VWA5B1: variants seen among roughly 807,000 people sequenced by gnomAD.
The protein encoded by VWA5B1 is von Willebrand factor A domain-containing protein 5B1.
VWA5B1 carries 115 observed loss-of-function variants against 118.2 expected under a neutral mutation model. That is an observed-to-expected ratio of 0.97 (90% CI 0.84 to 1.14). The LOEUF (loss-of-function observed/expected upper bound fraction) is 1.14. VWA5B1 is among the 50% of genes most tolerant of loss of function. The pLI, the probability that VWA5B1 is intolerant of heterozygous loss-of-function variation, is 0.00. For missense variants in VWA5B1, 1,596 were observed against 1,603.8 expected (o/e 1.00, Z 0.08); for synonymous variants, 682 against 658.4 (o/e 1.04, Z -0.55).
At chr1:20,297,716 G>A (rs1172820935) in intron 1 of VWA5B1, among the ~76,000 whole-genome samples, 1 of 152,176 alleles carries the variant, frequency 6.6e-6, no homozygotes, top group Admixed American at 6.5e-5. Flanking sequence ...ATGCCTGGTG[G>A]CCAGCAGGAT....
chr1:20,293,762 G>A (rs1247994224), intron 1 of VWA5B1, among the ~76,000 whole-genome samples: 4 of 152,172 alleles, frequency 2.6e-5, no homozygotes, highest in African/African-American at 9.7e-5. Flanking sequence ...GAAACCCTCT[G>A]GGTTCCTGGA....
chr1:20,326,774 C>T (rs546971696), intron 8 of VWA5B1, among the ~76,000 whole-genome samples: 198 of 152,154 alleles, frequency 1.3e-3, no homozygotes, highest in African/African-American at 4.7e-3. Context: ...AAGCCTCTGT[C>T]ATTAGTCTTA....
intron 14 of VWA5B1, among the ~76,000 whole-genome samples, chr1:20,340,232 T>A (rs1304358050): frequency 6.6e-6 from 1 of 151,706 alleles, no homozygotes; most frequent in African/African-American, 2.4e-5. Context: ...CCATGCACCC[T>A]CTGGCTGGAT....
At chr1:20,297,674 A>G (rs1557825427) in intron 1 of VWA5B1, among the ~76,000 whole-genome samples, 1 of 152,240 alleles carries the variant, frequency 6.6e-6, no homozygotes, top group Non-Finnish European at 1.5e-5. Flanking sequence ...TTTCTCTGAC[A>G]ACTAGCACTC....
At position 20,348,302 on chromosome 1, in the gene VWA5B1, C is replaced by T. The variant is rs1029825669; in HGVS notation, c.2822C>T (p.Ser941Phe). The T allele has an allele frequency of 2.4e-5, 38 of 1,551,568 alleles. No homozygotes were observed. The highest frequency in any genetic ancestry group is 3.1e-5 in the Non-Finnish European group (36 of 1,147,020). The change falls in exon 18 of 22, where the codon TCT (serine) becomes TTT (phenylalanine). Residue 941 changes from serine (S) to phenylalanine (F), a missense_variant. By Grantham distance (155) the Ser-to-Phe change is radical (BLOSUM62 -2). Transcript: ENST00000289815. The part of the protein sequence containing the change: ...RALAQQWRGT[S>F]SGFGRPQTML... ...CTGGCCCAACAGTGGAGGGGCACCT[C>T]TTCTGGCTTTGGAAGGCCGCAGACG...
At chr1:20,291,168 GTGTGTGTGTA>G (rs1424754696) in intron 1 of VWA5B1, 80 bp downstream of exon 1, 31 of 136,954 alleles carry the variant, frequency 2.3e-4, no homozygotes, top group South Asian at 1.4e-3. Flanking sequence ...ATGCATGAGT[GTGTGTGTGTA>G]TGTGTGTGTG....
At position 20,317,822 on chromosome 1, in the gene VWA5B1, C is replaced by A. The variant is rs1407185674; in HGVS notation, c.709+147C>A. ...ACAAAGCCTGTGGACCCCCATTTCCCATGGCCCCAACAAGCAGCCCAAAGA... is the reference window on the plus strand; with the variant it reads ...ACAAAGCCTGTGGACCCCCATTTCCAATGGCCCCAACAAGCAGCCCAAAGA... On this transcript the variant is annotated intron_variant, in intron 5 of 21. Transcript: ENST00000289815. 4.5e-6 allele frequency: 5 copies of A among 1,121,254 alleles called. No homozygotes were observed. The South Asian group carries it at 7.3e-5, about 16-fold the overall frequency. 69.5% of individuals were successfully genotyped at this position (1,121,254 alleles called of 1,614,324 possible).
In VWA5B1 at chr1:20,336,416, G is replaced by A. The variant is rs955043994; in HGVS notation, c.1872G>A (p.Ser624=). The change falls in exon 13 of 22, where the codon TCG becomes TCA. Residue 624 remains serine (S), a synonymous_variant. Coordinates refer to ENST00000289815, the MANE Select transcript of VWA5B1 (RefSeq NM_001039500.3). Reference sequence around the variant, plus strand: ...AAGGTGGAGACTGTGCCAAGAACTCGGGGGCACCCTTCATCCTAGGGCAGG... The same window carrying A: ...AAGGTGGAGACTGTGCCAAGAACTCAGGGGCACCCTTCATCCTAGGGCAGG... The part of the protein sequence containing the change: ...GLEGGDCAKN[S]GAPFILGQAK... 1.7e-5 allele frequency: 26 copies of A among 1,521,444 alleles called. No homozygotes were observed. Among genetic ancestry groups the A allele is most frequent in the African/African-American group, 8.3e-5 (6 of 72,340 alleles). 94.2% of individuals were successfully genotyped at this position (1,521,444 alleles called of 1,614,324 possible).
At chr1:20,325,879 G>A (rs1193610465) in intron 8 of VWA5B1, among the ~76,000 whole-genome samples, 1 of 152,172 alleles carries the variant, frequency 6.6e-6, no homozygotes, top group East Asian at 1.9e-4. Flanking sequence ...TGACCCACTG[G>A]GTTGAAGTTT....
Position 20,354,196 on chromosome 1 carries a change from T to C in VWA5B1, c.3581T>C (p.Val1194Ala). Residue 1194 changes from valine to alanine, a missense_variant, in exon 22 of 22, where the codon GTG becomes GCG. Coordinates refer to ENST00000289815, the MANE Select transcript of VWA5B1 (RefSeq NM_001039500.3). ...AAGGCCGCTGCCCGCCAGCTGTTTG[T>C]GCTTCTGCGGCACTGGGATGAGAAT... ...TLKAAARQLF[V>A]LLRHWDENLE... is the part of the protein sequence containing the mutation. 1 of 1,551,264 alleles carries C rather than the reference T, an allele frequency of 6.4e-7. No individual in the cohort carries two copies. The highest frequency in any genetic ancestry group is 8.7e-7 in the Non-Finnish European group (1 of 1,146,980).
At chr1:20,319,751 A>C (rs1005847400) in intron 7 of VWA5B1, among the ~76,000 whole-genome samples, 1 of 152,212 alleles carries the variant, frequency 6.6e-6, no homozygotes, top group East Asian at 1.9e-4. Context: ...AGGACCTAGC[A>C]GGTGCCTAAG....
rs559217264 is a variant in VWA5B1 at position 20,311,939 on chromosome 1, C to T, written c.140-897C>T. Among the ~76,000 whole-genome samples, 325 of 152,276 alleles carry T rather than the reference C, an allele frequency of 2.1e-3. 2 individuals are homozygous for T. Among genetic ancestry groups the T allele is most frequent in the African/African-American group, 7.6e-3 (317 of 41,544 alleles). On this transcript the variant is annotated intron_variant, in intron 2 of 21. Transcript: ENST00000289815. ...ACCTGTGGACTCAGGGGGCTAAATA[C>T]CAAATAACTTCCAGCAGCCCTTTGG...
intron 1 of VWA5B1, among the ~76,000 whole-genome samples, chr1:20,300,888 A>C (rs2088490057): frequency 6.6e-6 from 1 of 152,234 alleles, no homozygotes; most frequent in Non-Finnish European, 1.5e-5. Context: ...CAAGAGGTAT[A>C]GCCAGACCAT....
At chr1:20,295,708 T>A (rs1199453814) in intron 1 of VWA5B1, among the ~76,000 whole-genome samples, 2 of 152,156 alleles carry the variant, frequency 1.3e-5, no homozygotes, top group Non-Finnish European at 2.9e-5. Flanking sequence ...GCTGGAGTGA[T>A]GGTCCCAACC....
At chr1:20,304,742 G>C (rs568373317) in intron 1 of VWA5B1, among the ~76,000 whole-genome samples, 45 of 152,144 alleles carry the variant, frequency 3.0e-4, no homozygotes, top group Non-Finnish European at 5.3e-4. Context: ...GACAAGGCTT[G>C]AGGGAAGCTC....
intron 1 of VWA5B1, among the ~76,000 whole-genome samples, chr1:20,294,794 G>C (rs1442542725): frequency 6.6e-6 from 1 of 152,194 alleles, no homozygotes; most frequent in African/African-American, 2.4e-5. Context: ...TCTCCATGTT[G>C]GTCTGGCTGG....
At chr1:20,322,901 G>A (rs1381094967) in intron 7 of VWA5B1, among the ~76,000 whole-genome samples, 1 of 152,112 alleles carries the variant, frequency 6.6e-6, no homozygotes, top group African/African-American at 2.4e-5. Context: ...GGAGAGAATC[G>A]GTAAACCAAG....
chr1:20,318,349 C>T, intron 5 of VWA5B1: 1 of 579,852 alleles, frequency 1.7e-6, no homozygotes, highest in Non-Finnish European at 3.1e-6. Flanking sequence ...TGCAACTCCT[C>T]CGACCCCCAC....
Position 20,359,259 on chromosome 1 carries a change from G to C in VWA5B1, c.*4996G>C, listed in dbSNP as rs1044105504. 6.6e-6 allele frequency among the ~76,000 whole-genome samples: 1 copy of C among 152,124 alleles called. No individual in the cohort carries two copies. The highest frequency in any genetic ancestry group is 1.5e-5 in the Non-Finnish European group (1 of 68,028). Reference sequence around the variant, plus strand: ...CTCAAGTGCCTATGGCATGCTACCCGTGCCCTTGCCTGCTCATCTGTAATG... The same window carrying C: ...CTCAAGTGCCTATGGCATGCTACCCCTGCCCTTGCCTGCTCATCTGTAATG... On this transcript the variant is annotated 3_prime_UTR_variant, in exon 22 of 22. Coordinates refer to ENST00000289815, the MANE Select transcript of VWA5B1 (RefSeq NM_001039500.3).
Sources: allele counts gnomAD v4.1 joint callset (sites outside exome capture counted in the v4.1 genomes callset), GRCh38; gene constraint gnomAD v4.1.1; transcripts MANE v1.5; gene names NCBI Gene and HGNC (gene_info 2026-07-23, HGNC 2026-07-21).